MAD1L1: variants seen among roughly 807,000 people sequenced by gnomAD.
MAD1L1 encodes the protein mitotic spindle assembly checkpoint protein MAD1.
In MAD1L1, 95 loss-of-function variants were observed where a neutral mutation model predicts 96.9. That is an observed-to-expected ratio of 0.98 (90% confidence interval 0.83 to 1.16). The LOEUF (loss-of-function observed/expected upper bound fraction) is 1.16. Among genes scored for constraint, MAD1L1 ranks in the 50% most tolerant of loss-of-function variants. The pLI is 0.00. For synonymous variants in MAD1L1, 473 were observed against 396.6 expected, an observed-to-expected ratio of 1.19 and a Z score of -2.29; for missense variants, 1,007 against 954.4, an observed-to-expected ratio of 1.06 and a Z score of -0.73.
chr7:2,137,548 T>C (rs541565420), intron 11 of MAD1L1, among the ~76,000 whole-genome samples: 2 of 152,300 alleles, frequency 1.3e-5, no homozygotes, highest in Admixed American at 6.5e-5. Context: ...ACACCACCTC[T>C]GGCCCAGGTG....
intron 3 of MAD1L1, among the ~76,000 whole-genome samples, chr7:2,229,260 CA>C (rs1193800090): frequency 2.0e-5 from 3 of 152,060 alleles, no homozygotes; most frequent in Non-Finnish European, 4.4e-5. Flanking sequence ...TGCGCAGCCA[CA>C]GGGCCCAGGC....
At chr7:2,050,902 A>C (rs1406517404) in intron 12 of MAD1L1, among the ~76,000 whole-genome samples, 2 of 152,238 alleles carry the variant, frequency 1.3e-5, no homozygotes, top group African/African-American at 4.8e-5. Context: ...AGGATGCTGC[A>C]GCTATTTTTA....
intron 17 of MAD1L1, among the ~76,000 whole-genome samples, chr7:1,906,542 A>G (rs772664452): frequency 6.6e-6 from 1 of 152,162 alleles, no homozygotes; most frequent in Non-Finnish European, 1.5e-5. Context: ...TGTTCTCCGC[A>G]TGCTCTTTTC....
intron 16 of MAD1L1, among the ~76,000 whole-genome samples, chr7:1,951,244 G>C (rs1298315836): frequency 6.6e-6 from 1 of 152,272 alleles, no homozygotes; most frequent in Non-Finnish European, 1.5e-5. Flanking sequence ...CTGGCAGGAG[G>C]CCTCAGGGGC....
At chr7:2,104,368 AC>A (rs1014566623) in intron 11 of MAD1L1, among the ~76,000 whole-genome samples, 15 of 152,256 alleles carry the variant, frequency 9.9e-5, no homozygotes, top group African/African-American at 3.6e-4. Context: ...GAGAGCCGTC[AC>A]GGCGGCGCAA....
chr7:2,081,431 G>A (rs73032309), intron 11 of MAD1L1, among the ~76,000 whole-genome samples: 4,102 of 152,310 alleles, frequency 0.027, 93 homozygotes, highest in South Asian at 0.088. Context: ...GAACGCCATC[G>A]TGCGACCCGG....
intron 11 of MAD1L1, among the ~76,000 whole-genome samples, chr7:2,073,678 T>G (rs139490486): frequency 7.2e-4 from 110 of 152,322 alleles, no homozygotes; most frequent in African/African-American, 2.5e-3. Context: ...GGATGTAGCG[T>G]GAAGCGTGTG....
rs762238770 is a variant in MAD1L1, at chr7:2,102,443, ACTG to A, written c.1074-33108_1074-33106del. Among the ~76,000 whole-genome samples the A allele has an allele frequency of 3.2e-3, 263 of 81,728 alleles. 1 individual carries two copies. Among genetic ancestry groups the A allele is most frequent in the Non-Finnish European group, 6.0e-3 (217 of 36,028 alleles). 53.6% of individuals were successfully genotyped at this position (81,728 alleles called of 152,430 possible). ...CATCACCACTGTCACCCTCACCACCACTGCTACTGTCACCACTCACCACCACTG... is the reference window on the plus strand; with the variant it reads ...CATCACCACTGTCACCCTCACCACCACTACTGTCACCACTCACCACCACTG... On this transcript the variant is annotated intron_variant, in intron 11 of 18. Coordinates refer to ENST00000265854, the MANE Select transcript of MAD1L1 (RefSeq NM_001013836.2).
Position 2,132,382 on chromosome 7 carries a change from C to T in MAD1L1, c.1073+16770G>A, listed in dbSNP as rs938405620. ...CATGTCTGCAGTCCCTGTGCGACCG[C>T]GCGTCCACCATCACGGCCGCGTGCA... is the stretch of plus-strand genomic sequence containing the variant. On this transcript the variant is annotated intron_variant, in intron 11 of 18. Transcript: ENST00000265854. Among the ~76,000 whole-genome samples, 6 of 149,138 alleles carry T rather than the reference C, an allele frequency of 4.0e-5. No homozygotes were observed. In the South Asian group the frequency reaches 8.5e-4, roughly 21 times the overall value.
In MAD1L1 at chr7:1,818,169, G is replaced by A. The variant is rs190118716; in HGVS notation, c.1999-1941C>T. Among the ~76,000 whole-genome samples the A allele has an allele frequency of 2.2e-4, 33 of 152,218 alleles. No homozygotes were observed. The East Asian group carries it at 5.6e-3, about 26-fold the overall frequency. ...AAATGTCAGAGGGGCTGATTCTCCT[G>A]CAGCTGCCGGGCAGGGGTGGGGAGG... On this transcript the variant is annotated intron_variant, in intron 18 of 18. Transcript: ENST00000265854.
chr7:2,026,339 G>T (rs1782994184), intron 12 of MAD1L1, among the ~76,000 whole-genome samples: 1 of 152,082 alleles, frequency 6.6e-6, no homozygotes, highest in South Asian at 2.1e-4. Context: ...AAAATTAAAA[G>T]AAGAAATAGA....
chr7:1,917,489 C>T (rs531930790), intron 17 of MAD1L1, among the ~76,000 whole-genome samples: 1 of 152,370 alleles, frequency 6.6e-6, no homozygotes, highest in South Asian at 2.1e-4. Context: ...TCAGCACCGC[C>T]TGGCCGGGGC....
rs932910396 is a variant in MAD1L1, at chr7:1,935,517, G to C, written c.1807+1170C>G. Among the ~76,000 whole-genome samples the C allele has an allele frequency of 1.0e-3, 158 of 152,326 alleles. 1 individual carries two copies. The highest frequency in any genetic ancestry group is 3.8e-3 in the African/African-American group (156 of 41,568). ...TGCGCCCAGACTCAGGGCAGTCTTG[G>C]CTTATGGGGGTGGGGCACAAGAGGG... is the stretch of plus-strand genomic sequence containing the variant. On this transcript the variant is annotated intron_variant, in intron 17 of 18. Transcript: ENST00000265854.
At chr7:1,934,981 A>G (rs574426014) in intron 17 of MAD1L1, among the ~76,000 whole-genome samples, 5 of 130,536 alleles carry the variant, frequency 3.8e-5, no homozygotes, top group South Asian at 5.4e-4. Flanking sequence ...ACAGATGGGC[A>G]AACCCGAGAC....
At chr7:2,020,321 C>T (rs1193030105) in intron 12 of MAD1L1, among the ~76,000 whole-genome samples, 1 of 152,164 alleles carries the variant, frequency 6.6e-6, no homozygotes, top group Admixed American at 6.5e-5. Flanking sequence ...AGATTGCTAT[C>T]CACAGCCCCA....
At chr7:2,003,163 G>C (rs1334610365) in intron 13 of MAD1L1, among the ~76,000 whole-genome samples, 1 of 94,482 alleles carries the variant, frequency 1.1e-5, no homozygotes, top group South Asian at 3.3e-4. Context: ...TGAGGGTGAG[G>C]GAGAAATCGA....
intron 10 of MAD1L1, among the ~76,000 whole-genome samples, chr7:2,198,412 A>G (rs1188871617): frequency 6.6e-6 from 1 of 152,064 alleles, no homozygotes; most frequent in Non-Finnish European, 1.5e-5. Flanking sequence ...ACCCCCCTTC[A>G]AGCAACAAAA....
intron 10 of MAD1L1, among the ~76,000 whole-genome samples, chr7:2,185,036 T>C (rs182587333): frequency 6.6e-6 from 1 of 152,058 alleles, no homozygotes; most frequent in Non-Finnish European, 1.5e-5. Flanking sequence ...TAAAATGTAA[T>C]GTACCACTCA....
chr7:1,985,871 G>C (rs1034338113), intron 14 of MAD1L1, among the ~76,000 whole-genome samples: 15 of 152,212 alleles, frequency 9.9e-5, no homozygotes, highest in African/African-American at 3.4e-4. Context: ...TCTTCTTGGA[G>C]CGTGTGCGTT....
Sources: allele counts gnomAD v4.1 joint callset (sites outside exome capture counted in the v4.1 genomes callset), GRCh38; gene constraint gnomAD v4.1.1; transcripts MANE v1.5; gene names NCBI Gene and HGNC (gene_info 2026-07-23, HGNC 2026-07-21).